CAMKK2: variants seen among roughly 807,000 people sequenced by gnomAD.
CAMKK2 encodes the protein calcium/calmodulin dependent protein kinase kinase 2.
Under a neutral mutation model 67.2 loss-of-function variants are expected in CAMKK2, and 30 were observed. That is an observed-to-expected ratio of 0.45 (90% CI 0.33 to 0.61). The LOEUF (loss-of-function observed/expected upper bound fraction) is 0.61. CAMKK2 is among the 20% of genes least tolerant of loss of function. CAMKK2 has a pLI of 0.02. For missense variants in CAMKK2, 643 were observed against 802.0 expected (o/e 0.80, Z 2.39); for synonymous variants, 322 against 326.2 (o/e 0.99, Z 0.14).
intron 5 of CAMKK2, among the ~76,000 whole-genome samples, chr12:121,265,560 A>C (rs537483085): frequency 1.3e-5 from 2 of 152,120 alleles, no homozygotes; most frequent in African/African-American, 2.4e-5. Flanking sequence ...CATGAATGAG[A>C]TTAGTGCTGT....
upstream of CAMKK2, chr12:121,297,324 C>T (rs952204165): frequency 4.9e-5 from 15 of 307,540 alleles, no homozygotes; most frequent in East Asian, 1.3e-3. Context: ...GGACTTTGGG[C>T]CACCACCGAC....
chr12:121,275,157 C>G (rs1390659032), intron 1 of CAMKK2, among the ~76,000 whole-genome samples: 1 of 150,900 alleles, frequency 6.6e-6, no homozygotes, highest in Non-Finnish European at 1.5e-5. Flanking sequence ...ATAAGTTTGC[C>G]TGACTTTTTA....
intron 14 of CAMKK2, among the ~76,000 whole-genome samples, chr12:121,246,618 C>A (rs1889529849): frequency 6.6e-6 from 1 of 152,106 alleles, no homozygotes; most frequent in South Asian, 2.1e-4. Flanking sequence ...GACATGCCAG[C>A]CCCTCTTTCC....
intron 11 of CAMKK2, among the ~76,000 whole-genome samples, chr12:121,250,531 C>T (rs1890487430): frequency 1.3e-5 from 2 of 152,172 alleles, no homozygotes; most frequent in Admixed American, 1.3e-4. Context: ...TGGTCTCTCC[C>T]ACCATGCAGG....
chr12:121,290,541 T>A lies in CAMKK2; in HGVS notation c.-60+6097A>T, dbSNP rs138830505. Among the ~76,000 whole-genome samples, 417 of 152,098 alleles carry A rather than the reference T, an allele frequency of 2.7e-3. 1 individual carries two copies. Among genetic ancestry groups the A allele is most frequent in the African/African-American group, 9.3e-3 (387 of 41,500 alleles). ...TGTCTCTACAAAAAAATTAAAAATA[T>A]TAGCCAGGCGTGGTGGCGCAGGGCT... On this transcript the variant is annotated intron_variant, in intron 1 of 16. Transcript: ENST00000404169.
chr12:121,252,286 G>C (rs866602682), intron 11 of CAMKK2, among the ~76,000 whole-genome samples: 5 of 152,080 alleles, frequency 3.3e-5, no homozygotes, highest in Non-Finnish European at 7.4e-5. Context: ...TTTATTTTTT[G>C]AGACGGAGTC....
At chr12:121,243,178 G>A (rs965200737) in intron 16 of CAMKK2, among the ~76,000 whole-genome samples, 3 of 151,578 alleles carry the variant, frequency 2.0e-5, no homozygotes, top group Non-Finnish European at 2.9e-5. Context: ...GACTACAAGT[G>A]TGCGCCACCA....
At chr12:121,264,080 A>C in intron 5 of CAMKK2, 141 bp from the exon 6 acceptor site, 1 of 734,574 alleles carries the variant, frequency 1.4e-6, no homozygotes, top group Non-Finnish European at 2.1e-6. Context: ...CAGGGGCTTT[A>C]ACTAACCCTC....
At chr12:121,281,173 C>T (rs1897712069) in intron 1 of CAMKK2, among the ~76,000 whole-genome samples, 1 of 152,272 alleles carries the variant, frequency 6.6e-6, no homozygotes. Flanking sequence ...TAGAAAAGAA[C>T]CTATGTGATT....
At chr12:121,288,510 T>G (rs1315634211) in intron 1 of CAMKK2, among the ~76,000 whole-genome samples, 1 of 152,182 alleles carries the variant, frequency 6.6e-6, no homozygotes, top group Admixed American at 6.5e-5. Flanking sequence ...GCCAGAAGCC[T>G]TGAAGGCAAT....
At chr12:121,256,096 G>C (rs891338972) in intron 7 of CAMKK2, among the ~76,000 whole-genome samples, 1 of 152,234 alleles carries the variant, frequency 6.6e-6, no homozygotes, top group Non-Finnish European at 1.5e-5. Context: ...ACGGCAGGGG[G>C]CTGGGCACGG....
intron 1 of CAMKK2, among the ~76,000 whole-genome samples, chr12:121,278,066 G>A (rs1041687155): frequency 9.9e-5 from 15 of 152,264 alleles, no homozygotes; most frequent in Admixed American, 5.2e-4. Context: ...GGGATCAGAC[G>A]GGGCAGGAGG....
intron 11 of CAMKK2, among the ~76,000 whole-genome samples, chr12:121,250,681 T>C (rs1890541508): frequency 6.6e-6 from 1 of 152,188 alleles, no homozygotes. Context: ...TTGTTTATTG[T>C]TTAACCCCTC....
chr12:121,294,353 C>T (rs1217759634), intron 1 of CAMKK2, among the ~76,000 whole-genome samples: 1 of 152,162 alleles, frequency 6.6e-6, no homozygotes, highest in African/African-American at 2.4e-5. Context: ...AACCAAAAGT[C>T]GCCCCCACAC....
intron 1 of CAMKK2, among the ~76,000 whole-genome samples, chr12:121,275,000 A>G (rs918216760): frequency 5.3e-5 from 8 of 151,978 alleles, no homozygotes; most frequent in Admixed American, 6.6e-5. Context: ...AGGAACAAGT[A>G]TAAGAAAACC....
At chr12:121,273,808 C>T (rs1896231860) in intron 2 of CAMKK2, among the ~76,000 whole-genome samples, 1 of 152,134 alleles carries the variant, frequency 6.6e-6, no homozygotes, top group African/African-American at 2.4e-5. Flanking sequence ...GCGGCCCACA[C>T]TCCACACTGG....
In CAMKK2 at chr12:121,253,280, GAGA is replaced by G; in HGVS notation, c.1097_1099del (p.Phe366del). 1 of 1,614,148 alleles carries G rather than the reference GAGA, an allele frequency of 6.2e-7. No individual in the cohort carries two copies. Among genetic ancestry groups the G allele is most frequent in the Non-Finnish European group, 8.5e-7 (1 of 1,179,974 alleles). On this transcript the variant is annotated inframe_deletion, in exon 10 of 17. Transcript: ENST00000404169. The surrounding 1 kb of genome is among the most constrained non-coding windows in gnomAD (Gnocchi z 5.0). ...AGGCAGGCCCAAGCTTACCTTCCCAGAGAAGATCTTGCGGGTCTCAGAGAGCGA... is the reference window on the plus strand; with the variant it reads ...AGGCAGGCCCAAGCTTACCTTCCCAGAGATCTTGCGGGTCTCAGAGAGCGA...
Position 121,240,759 on chromosome 12 carries a change from G to A in CAMKK2, c.1707C>T (p.Ala569=). The change falls in exon 17 of 17, where the codon GCC becomes GCT. Residue 569 remains alanine, a synonymous_variant. Transcript: ENST00000404169. The surrounding 1 kb of genome is among the most constrained non-coding windows in gnomAD (Gnocchi z 4.4). ...SPCVESCWAP[A]PGSPARMHPL... ...GATGCATGCGTGCGGGGGAGCCGGG[G>A]GCGGGGGCCCAGCAACTTTCCACGC... The A allele has an allele frequency of 6.2e-7, 1 of 1,608,894 alleles. No individual in the cohort carries two copies. The highest frequency in any genetic ancestry group is 1.1e-5 in the South Asian group (1 of 90,658).
At chr12:121,264,393 T>G (rs1177059798) in intron 5 of CAMKK2, among the ~76,000 whole-genome samples, 2 of 152,196 alleles carry the variant, frequency 1.3e-5, no homozygotes, top group Non-Finnish European at 2.9e-5. Flanking sequence ...TCCCAGCACT[T>G]TGGAAGGCTG....
Sources: allele counts gnomAD v4.1 joint callset (sites outside exome capture counted in the v4.1 genomes callset), GRCh38; gene constraint gnomAD v4.1.1; non-coding constraint Gnocchi (gnomAD v3.1); transcripts MANE v1.5; gene names NCBI Gene and HGNC (gene_info 2026-07-23, HGNC 2026-07-21).